The following NCLN variants were observed in gnomAD, a reference collection of about 807,000 sequenced individuals.
NCLN encodes BOS complex subunit NCLN.
Under a neutral mutation model 69.5 loss-of-function variants are expected in NCLN, and 34 were observed. The ratio of observed to expected loss-of-function variants is 0.49; its 90% CI spans 0.37 to 0.65. The LOEUF (loss-of-function observed/expected upper bound fraction) is 0.65, where lower values mean the gene tolerates loss of function less well. Among genes scored for constraint, NCLN ranks in the 30% least tolerant of loss-of-function variants. NCLN has a pLI of 0.00. For missense variants in NCLN, 710 were observed against 804.8 expected (o/e 0.88, Z 1.42); for synonymous variants, 393 against 358.3 (o/e 1.10, Z -1.09).
At chr19:3,197,247 A>G (rs1915987844) in intron 4 of NCLN, among the ~76,000 whole-genome samples, 1 of 152,164 alleles carries the variant, frequency 6.6e-6, no homozygotes, top group African/African-American at 2.4e-5. Context: ...GGCCATGTCG[A>G]TTCCCTTTCC....
intron 4 of NCLN, among the ~76,000 whole-genome samples, 173 bp from the exon 5 acceptor site, chr19:3,198,644 C>G (rs951350125): frequency 3.3e-5 from 5 of 152,168 alleles, no homozygotes; most frequent in Non-Finnish European, 7.4e-5. Context: ...GAGGAGCTCC[C>G]TGGGGCTCCC....
chr19:3,204,241 C>T, intron 8 of NCLN, 97 bp downstream of exon 8: 1 of 1,369,762 alleles, frequency 7.3e-7, no homozygotes, highest in Non-Finnish European at 9.6e-7. Flanking sequence ...TTGCTGTCCG[C>T]CCCTCAGGCT....
chr19:3,204,438 G>T (rs866345444), intron 8 of NCLN, 135 bp from the exon 9 acceptor site: 1 of 1,019,854 alleles, frequency 9.8e-7, no homozygotes, highest in Non-Finnish European at 1.4e-6. Flanking sequence ...GGCCTTAGGG[G>T]GACCCCGGGG....
intron 2 of NCLN, 94 bp downstream of exon 2, chr19:3,192,754 C>A: frequency 8.4e-7 from 1 of 1,184,248 alleles, no homozygotes; most frequent in Non-Finnish European, 1.1e-6. Context: ...CTTCGCCTCT[C>A]TGAGCCCTTT....
chr19:3,202,130 G>T (rs947399033), intron 6 of NCLN, among the ~76,000 whole-genome samples: 1 of 152,110 alleles, frequency 6.6e-6, no homozygotes, highest in Non-Finnish European at 1.5e-5. Flanking sequence ...GAATTCCACG[G>T]GCCCCCGAGA....
intron 1 of NCLN, among the ~76,000 whole-genome samples, chr19:3,188,836 G>A (rs550162199): frequency 5.9e-5 from 9 of 152,344 alleles, no homozygotes. Flanking sequence ...AGCTCTCGCA[G>A]GGTAGGCGAG....
intron 8 of NCLN, 132 bp downstream of exon 8, chr19:3,204,276 C>T (rs1180844205): frequency 1.2e-5 from 14 of 1,174,954 alleles, no homozygotes; most frequent in South Asian, 8.9e-5. Flanking sequence ...GTGTCGGGGT[C>T]GGGCTGGGGT....
At chr19:3,203,709 C>T (rs1201262079) in intron 6 of NCLN, 47 bp from the exon 7 acceptor site, 2 of 1,541,668 alleles carry the variant, frequency 1.3e-6, no homozygotes, top group South Asian at 2.4e-5. Context: ...CCCTCCTCCA[C>T]CCCAGGCGCT....
At chr19:3,188,310 CCCTGGGCAGATGTGGG>C (rs1165540260) in intron 1 of NCLN, among the ~76,000 whole-genome samples, 1 of 152,062 alleles carries the variant, frequency 6.6e-6, no homozygotes, top group Non-Finnish European at 1.5e-5. Context: ...CCTACACTGT[CCCTGGGCAGATGTGGG>C]CCCCCTTTCT....
chr19:3,190,966 C>T (rs1267049989), intron 1 of NCLN, among the ~76,000 whole-genome samples: 1 of 152,120 alleles, frequency 6.6e-6, no homozygotes, highest in Non-Finnish European at 1.5e-5. Context: ...GGCCGGTGCT[C>T]TCCAGGGTCT....
At chr19:3,190,714 C>T (rs1299146923) in intron 1 of NCLN, among the ~76,000 whole-genome samples, 5 of 152,276 alleles carry the variant, frequency 3.3e-5, no homozygotes, top group East Asian at 3.9e-4. Context: ...GGGTCTCACA[C>T]GGGAGGCTCC....
intron 12 of NCLN, 53 bp from the exon 13 acceptor site, chr19:3,207,145 T>A (rs1916291190): frequency 6.2e-7 from 1 of 1,603,450 alleles, no homozygotes; most frequent in Admixed American, 1.7e-5. Context: ...AAACCCTTTT[T>A]TAAGAATTAG....
chr19:3,195,406 C>T (rs1020890075), intron 3 of NCLN, among the ~76,000 whole-genome samples: 25 of 151,848 alleles, frequency 1.6e-4, no homozygotes, highest in African/African-American at 3.6e-4. Context: ...CCCACCACCA[C>T]GCCCAGCTAA....
chr19:3,207,286 C>A, intron 13 of NCLN, 35 bp downstream of exon 13: 3 of 1,613,312 alleles, frequency 1.9e-6, no homozygotes. Context: ...GAGCCCTTCA[C>A]CCCCTACGGG....
intron 6 of NCLN, among the ~76,000 whole-genome samples, chr19:3,202,456 A>G (rs1179028754): frequency 6.6e-6 from 1 of 152,200 alleles, no homozygotes; most frequent in Non-Finnish European, 1.5e-5. Context: ...ATGTCTCCAG[A>G]CATGACTGTG....
chr19:3,207,954 G>A lies in NCLN; in HGVS notation c.*266G>A, dbSNP rs931164873. On this transcript the variant is annotated 3_prime_UTR_variant, in exon 15 of 15. Transcript: ENST00000246117. The stretch of plus-strand genomic sequence containing the variant: ...GGGGCCAGGCTACGGACTTGCGGAC[G>A]AGCCCCCCAGTCCTGGGAGCCGGCC... 8 of 499,842 alleles carry A rather than the reference G, an allele frequency of 1.6e-5. No individual in the cohort carries two copies. The highest frequency in any genetic ancestry group is 1.0e-4 in the Admixed American group (3 of 29,380). 31.0% of individuals were successfully genotyped at this position (499,842 alleles called of 1,614,324 possible).
Position 3,204,037 on chromosome 19 carries a change from G to T in NCLN, c.922G>T (p.Val308Leu). 6.3e-7 allele frequency: 1 copy of T among 1,575,028 alleles called. No homozygotes were observed. ...CCTGCTTCAGGACAATGTGGCCTTCGTGCTGTGCCTGGACACCGTGGGCCG... is the reference window on the plus strand; with the variant it reads ...CCTGCTTCAGGACAATGTGGCCTTCTTGCTGTGCCTGGACACCGTGGGCCG... ...SSLLQDNVAF[V>L]LCLDTVGRGS... Residue 308 changes from valine to leucine, a missense_variant, in exon 8 of 15, where the codon GTG (valine) becomes TTG (leucine). Physicochemically the swap from Val to Leu is conservative, Grantham distance 32. Transcript: ENST00000246117.
At chr19:3,207,509 GC>G in intron 14 of NCLN, 40 bp downstream of exon 14, 1 of 1,609,720 alleles carries the variant, frequency 6.2e-7, no homozygotes, top group Non-Finnish European at 8.5e-7. Flanking sequence ...GGGGCCGCCC[GC>G]CGGGAGGAGC....
chr19:3,192,559 T>C lies in NCLN; in HGVS notation c.274T>C (p.Phe92Leu). Residue 92 changes from phenylalanine (F) to leucine (L), a missense_variant, in exon 2 of 15, where the codon TTC (phenylalanine) becomes CTC (leucine). Phe to Leu is a conservative substitution (Grantham distance 22, BLOSUM62 0). Transcript: ENST00000246117. ...RRCVLMRLLD[F>L]SYEQYQKALR... Reference sequence around the variant, plus strand: ...CTGCGTGCTCATGCGGCTACTGGACTTCTCCTACGAGCAGTACCAGAAGGC... The same window carrying C: ...CTGCGTGCTCATGCGGCTACTGGACCTCTCCTACGAGCAGTACCAGAAGGC... The C allele has an allele frequency of 6.2e-7, 1 of 1,610,132 alleles. No individual in the cohort carries two copies. Among genetic ancestry groups the C allele is most frequent in the Middle Eastern group, 1.7e-4 (1 of 5,980 alleles).
Sources: gnomAD v4.1 joint callset for allele counts (sites outside exome capture counted in the v4.1 genomes callset) on GRCh38, gnomAD v4.1.1 for gene constraint, MANE v1.5 for transcripts, NCBI Gene and HGNC (gene_info 2026-07-23, HGNC 2026-07-21) for gene names.